Variants in STARD3NL observed in about 807,000 individuals in gnomAD.
The protein encoded by STARD3NL is STARD3 N-terminal like.
Under a neutral mutation model 30.9 loss-of-function variants are expected in STARD3NL, and 17 were observed. The observed-to-expected ratio is 0.55, with a 90% CI of 0.38 to 0.82. The LOEUF (loss-of-function observed/expected upper bound fraction) is 0.82. Among genes scored for constraint, STARD3NL ranks in the 40% least tolerant of loss-of-function variants. The probability of loss-of-function intolerance (pLI) is 0.00; values close to 1 mark genes in which losing one functional copy is unlikely to be tolerated. For synonymous variants in STARD3NL, 112 were observed against 100.5 expected (o/e 1.11, Z -0.69); for missense variants, 234 against 277.6 (o/e 0.84, Z 1.12).
At chr7:38,178,592 G>C (rs1288515479) in intron 1 of STARD3NL, among the ~76,000 whole-genome samples, 172 bp downstream of exon 1, 1 of 152,216 alleles carries the variant, frequency 6.6e-6, no homozygotes, top group Non-Finnish European at 1.5e-5. Context: ...GGCGAGGCAG[G>C]CTGTGCTCAT....
At chr7:38,183,465 G>A (rs1784327588) in intron 1 of STARD3NL, among the ~76,000 whole-genome samples, 1 of 152,178 alleles carries the variant, frequency 6.6e-6, no homozygotes, top group African/African-American at 2.4e-5. Flanking sequence ...TTTTACTTAT[G>A]AGAGATGCTT....
chr7:38,228,398 C>T (rs1016830545), intron 7 of STARD3NL, among the ~76,000 whole-genome samples: 1 of 152,196 alleles, frequency 6.6e-6, no homozygotes, highest in East Asian at 1.9e-4. Context: ...ACTGCTCTCT[C>T]GCTCGTCTGC....
intron 2 of STARD3NL, 67 bp downstream of exon 2, chr7:38,207,796 G>A (rs1785577240): frequency 7.1e-6 from 10 of 1,411,642 alleles, no homozygotes; most frequent in Admixed American, 3.8e-5. Context: ...TTTTTTGTTC[G>A]TTTCTCTTAT....
At chr7:38,206,315 A>C (rs886413514) in intron 1 of STARD3NL, among the ~76,000 whole-genome samples, 4 of 152,212 alleles carry the variant, frequency 2.6e-5, no homozygotes, top group African/African-American at 4.8e-5. Context: ...CAAGTGGCAT[A>C]TGAACTTCTG....
At chr7:38,202,241 T>TAAA (rs1474833617) in intron 1 of STARD3NL, 1 of 152,226 alleles carries the variant, frequency 6.6e-6, no homozygotes, top group Non-Finnish European at 1.5e-5. Context: ...TTCTTTCCTT[T>TAAA]TACTAAATGC....
At chr7:38,216,458 T>TGTGTGTGC (rs1491387814) in intron 4 of STARD3NL, 153 of 43,768 alleles carry the variant, frequency 3.5e-3, no homozygotes, top group African/African-American at 0.026. Context: ...CAAGCAGCTC[T>TGTGTGTGC]GTGTGTGTGT....
intron 2 of STARD3NL, among the ~76,000 whole-genome samples, chr7:38,210,626 C>T (rs973010003): frequency 1.3e-5 from 2 of 152,146 alleles, no homozygotes; most frequent in East Asian, 3.9e-4. Context: ...AGACTGATTT[C>T]CCAAGTTGGA....
intron 1 of STARD3NL, among the ~76,000 whole-genome samples, chr7:38,186,430 A>G (rs1784461255): frequency 6.6e-6 from 1 of 152,228 alleles, no homozygotes; most frequent in Non-Finnish European, 1.5e-5. Flanking sequence ...TGACCTTATT[A>G]GTCTCCTAAA....
At chr7:38,207,372 C>G in intron 1 of STARD3NL, 75 bp from the exon 2 acceptor site, 1 of 664,864 alleles carries the variant, frequency 1.5e-6, no homozygotes, top group East Asian at 2.7e-5. Context: ...GAAATAGTTG[C>G]ACAGTGGAGA....
Position 38,219,629 on chromosome 7 carries a change from T to G in STARD3NL, c.618T>G (p.Gly206=), listed in dbSNP as rs1170402112. 3.1e-6 allele frequency: 5 copies of G among 1,612,986 alleles called. No homozygotes were observed. Among genetic ancestry groups the G allele is most frequent in the Middle Eastern group, 1.7e-4 (1 of 6,052 alleles). The change falls in exon 7 of 9, where the codon GGT becomes GGG. Residue 206 remains glycine (G), a synonymous_variant. Coordinates refer to ENST00000009041, the MANE Select transcript of STARD3NL (RefSeq NM_032016.4). The part of the protein sequence containing the change: ...AALIPGGLSD[G]QFYSPPESEA... ...TTATACCTGGTGGTCTTTCTGATGG[T>G]CAGTTTTATTCCCCTCCTGAATCCG...
At chr7:38,220,180 T>C (rs1462384234) in intron 7 of STARD3NL, among the ~76,000 whole-genome samples, 1 of 152,208 alleles carries the variant, frequency 6.6e-6, no homozygotes, top group East Asian at 1.9e-4. Context: ...CAGCATTACT[T>C]TCTGCAGTTT....
At chr7:38,190,637 C>G (rs1040595283) in intron 1 of STARD3NL, among the ~76,000 whole-genome samples, 5 of 152,194 alleles carry the variant, frequency 3.3e-5, no homozygotes, top group African/African-American at 9.6e-5. Flanking sequence ...CCTGCATAAC[C>G]ATTACTAAAC....
At chr7:38,222,564 A>G (rs966813919) in intron 7 of STARD3NL, among the ~76,000 whole-genome samples, 18 of 152,328 alleles carry the variant, frequency 1.2e-4, no homozygotes, top group Admixed American at 3.9e-4. Context: ...TATTTTCTTA[A>G]CTAGAGTTCA....
intron 4 of STARD3NL, chr7:38,216,186 G>GT (rs2116344448): frequency 6.6e-6 from 1 of 152,272 alleles, no homozygotes; most frequent in African/African-American, 2.4e-5. Flanking sequence ...CTCAATGTTT[G>GT]TTTTAGAAAA....
chr7:38,211,868 T>A (rs780688073), intron 2 of STARD3NL, among the ~76,000 whole-genome samples: 10 of 152,226 alleles, frequency 6.6e-5, no homozygotes, highest in Non-Finnish European at 1.3e-4. Flanking sequence ...ATGCTTCATA[T>A]CCAGTCTAAA....
chr7:38,209,160 C>T (rs989168492), intron 2 of STARD3NL, among the ~76,000 whole-genome samples: 1 of 152,050 alleles, frequency 6.6e-6, no homozygotes, highest in East Asian at 1.9e-4. Context: ...AATTTAGAGT[C>T]TCTTTTTGCT....
rs1210383951 is a variant in STARD3NL at position 38,187,880 on chromosome 7, G to A, written c.-59+9460G>A. Among the ~76,000 whole-genome samples the A allele has an allele frequency of 3.3e-5, 5 of 152,138 alleles. No homozygotes were observed. In the East Asian group the frequency reaches 7.7e-4, roughly 24 times the overall value. On this transcript the variant is annotated intron_variant, in intron 1 of 8. Coordinates refer to ENST00000009041, the MANE Select transcript of STARD3NL (RefSeq NM_032016.4). ...CACATCCATCCTTCCAGTTTCTCAA[G>A]CTCTAAATTTTGCAGTTCTGTTTTA... is the stretch of plus-strand genomic sequence containing the variant.
At chr7:38,187,911 C>T (rs2115967015) in intron 1 of STARD3NL, among the ~76,000 whole-genome samples, 1 of 152,274 alleles carries the variant, frequency 6.6e-6, no homozygotes, top group African/African-American at 2.4e-5. Flanking sequence ...TTTTAGTCCT[C>T]ATTTTCTCCC....
intron 1 of STARD3NL, among the ~76,000 whole-genome samples, chr7:38,201,014 T>C (rs561549730): frequency 1.3e-5 from 2 of 152,300 alleles, no homozygotes; most frequent in South Asian, 4.1e-4. Flanking sequence ...AAAAAATTAA[T>C]TCTAGAAGTC....
Sources: allele counts gnomAD v4.1 joint callset (sites outside exome capture counted in the v4.1 genomes callset), GRCh38; gene constraint gnomAD v4.1.1; transcripts MANE v1.5; gene names NCBI Gene and HGNC (gene_info 2026-07-23, HGNC 2026-07-21).